Variants in TEX11 observed in about 807,000 individuals in gnomAD.
The protein encoded by TEX11 is testis-expressed protein 11.
Under a neutral mutation model 84.4 loss-of-function variants are expected in TEX11, and 7 were observed. The ratio of observed to expected loss-of-function variants is 0.08; its 90% CI spans 0.05 to 0.16. The LOEUF is 0.16. Among genes scored for constraint, TEX11 ranks in the 10% least tolerant of loss-of-function variants. The pLI is 1.00. For missense variants in TEX11, 551 were observed against 660.5 expected (o/e 0.83, Z 1.82); for synonymous variants, 264 against 222.8 (o/e 1.18, Z -1.64).
chrX:70,604,752 A>G (rs2089175920), intron 24 of TEX11, among the ~76,000 whole-genome samples: 1 of 111,341 alleles, frequency 9.0e-6, no homozygotes, highest in African/African-American at 3.3e-5. Context: ...TAAAAATCAT[A>G]CAAAAATGCT....
chrX:70,906,230 A>G (rs2091833541), intron 2 of TEX11, among the ~76,000 whole-genome samples: 1 of 103,029 alleles, frequency 9.7e-6, no homozygotes, highest in Non-Finnish European at 2.0e-5. Flanking sequence ...GAAAAATGGT[A>G]CATGTAATCT....
intron 29 of TEX11, 69 bp from the exon 30 acceptor site, chrX:70,529,256 C>G (rs763753838): frequency 1.1e-5 from 9 of 809,772 alleles, no homozygotes; most frequent in Non-Finnish European, 1.7e-5. Context: ...CCCAGACCCA[C>G]GGTGATGGCA....
chrX:70,663,222 C>T (rs2089946616), intron 16 of TEX11, among the ~76,000 whole-genome samples: 1 of 111,163 alleles, frequency 9.0e-6, no homozygotes, highest in Non-Finnish European at 1.9e-5. Flanking sequence ...TCCTCTATAA[C>T]ATTTATACCA....
chrX:70,591,192 T>C (rs944014815), intron 25 of TEX11, among the ~76,000 whole-genome samples: 4 of 112,068 alleles, frequency 3.6e-5, no homozygotes, highest in African/African-American at 9.7e-5. Flanking sequence ...TGTTAAACAA[T>C]AATAAAATAT....
chrX:70,567,063 T>C lies in TEX11; in HGVS notation c.2141-12263A>G, dbSNP rs2088495853. ...CTCTTTTTGGTTGGTAAGCTATTGA[T>C]TATTGCCACAATTTCAGAGCCTGTT... On this transcript the variant is annotated intron_variant, in intron 25 of 29. Coordinates refer to ENST00000374333, the MANE Select transcript of TEX11 (RefSeq NM_031276.3). 4.5e-5 allele frequency among the ~76,000 whole-genome samples: 5 copies of C among 111,455 alleles called. No individual in the cohort carries two copies. In the Admixed American group the frequency reaches 4.8e-4, roughly 11 times the overall value.
chrX:70,569,500 A>C lies in TEX11; in HGVS notation c.2141-14700T>G, dbSNP rs1279021675. Among the ~76,000 whole-genome samples, 3 of 110,961 alleles carry C rather than the reference A, an allele frequency of 2.7e-5. No homozygotes were observed. In the East Asian group the frequency reaches 8.5e-4, roughly 31 times the overall value. On this transcript the variant is annotated intron_variant, in intron 25 of 29. Coordinates refer to ENST00000374333, the MANE Select transcript of TEX11 (RefSeq NM_031276.3). ...AGACGCTCTGATTTTTAGAGTTTCC[A>C]GTTTTTCTGCTCTGTTTTTTCCCCA...
intron 9 of TEX11, among the ~76,000 whole-genome samples, chrX:70,784,240 G>A (rs779972786): frequency 4.5e-5 from 5 of 111,148 alleles, no homozygotes; most frequent in African/African-American, 1.6e-4. Context: ...CATGATTATC[G>A]CAATAGATGC....
chrX:70,570,311 C>A lies in TEX11; in HGVS notation c.2141-15511G>T, dbSNP rs752686633. Among the ~76,000 whole-genome samples, 10 of 112,161 alleles carry A rather than the reference C, an allele frequency of 8.9e-5. No individual in the cohort carries two copies. In the East Asian group the frequency reaches 2.5e-3, roughly 28 times the overall value. On this transcript the variant is annotated intron_variant, in intron 25 of 29. Transcript: ENST00000374333. ...CCGATTTTCCAGGTGCCGTCTGTCA[C>A]CCCTTTCTTTGACTAGGAAAGGGAA... is the stretch of plus-strand genomic sequence containing the variant.
intron 25 of TEX11, among the ~76,000 whole-genome samples, chrX:70,571,080 G>A (rs745542916): frequency 1.7e-4 from 19 of 111,371 alleles, no homozygotes; most frequent in Middle Eastern, 4.6e-3. Context: ...TTGTAGTGGC[G>A]TGATCTTGGC....
intron 15 of TEX11, among the ~76,000 whole-genome samples, chrX:70,677,810 CTTT>C (rs35653618): frequency 3.9e-4 from 25 of 63,579 alleles, no homozygotes; most frequent in African/African-American, 1.6e-3. Flanking sequence ...CTTTTCTTTC[CTTT>C]TTTTTTTTTT....
chrX:70,751,897 T>C (rs779462438), intron 9 of TEX11, among the ~76,000 whole-genome samples: 12 of 112,517 alleles, frequency 1.1e-4, no homozygotes, highest in Non-Finnish European at 1.9e-4. Flanking sequence ...TATGATTATA[T>C]ATGTCTTCTA....
Position 70,552,230 on chromosome X carries a change from A to C in TEX11, c.2416T>G (p.Leu806Val). ...ISQYSKCMHN[L>V]VNLSVPDGAS... ...CCATCTGGCACTGAGAGGTTAACCAAGTTGTGCATACATTTGCTGAAAATC... is the reference window on the plus strand; with the variant it reads ...CCATCTGGCACTGAGAGGTTAACCACGTTGTGCATACATTTGCTGAAAATC... The change falls in exon 28 of 30, where the codon TTG (leucine) becomes GTG (valine). Residue 806 changes from leucine to valine, a missense_variant. By Grantham distance (32) the Leu-to-Val change is conservative (BLOSUM62 1). Coordinates refer to ENST00000374333, the MANE Select transcript of TEX11 (RefSeq NM_031276.3). 2 of 1,208,741 alleles carry C rather than the reference A, an allele frequency of 1.7e-6. No homozygotes were observed. Among genetic ancestry groups the C allele is most frequent in the Non-Finnish European group, 2.2e-6 (2 of 894,545 alleles).
At chrX:70,595,673 A>G (rs2088996632) in intron 24 of TEX11, among the ~76,000 whole-genome samples, 1 of 111,829 alleles carries the variant, frequency 8.9e-6, no homozygotes, top group Admixed American at 9.6e-5. Context: ...ATGTTATATT[A>G]GAAAACATTC....
intron 17 of TEX11, among the ~76,000 whole-genome samples, chrX:70,640,655 T>C (rs2089643328): frequency 9.2e-6 from 1 of 108,485 alleles, no homozygotes; most frequent in Non-Finnish European, 1.9e-5. Context: ...CAGAATTTCA[T>C]ATCCAGCCAA....
At chrX:70,792,315 AATATATATATATATATATAT>A (rs1556087562) in intron 9 of TEX11, among the ~76,000 whole-genome samples, 2 of 14,912 alleles carry the variant, frequency 1.3e-4, no homozygotes, top group Non-Finnish European at 2.1e-4. Flanking sequence ...AAAAAAAAAA[AATATATATATATATATATAT>A]ATATATATAT....
At chrX:70,784,504 A>G (rs1279546790) in intron 9 of TEX11, among the ~76,000 whole-genome samples, 1 of 111,741 alleles carries the variant, frequency 8.9e-6, no homozygotes, top group East Asian at 2.8e-4. Context: ...AGAAAGAAAT[A>G]AAGGGTATTC....
At position 70,587,413 on chromosome X, in the gene TEX11, T is replaced by A. The variant is rs371168040; in HGVS notation, c.2140+4338A>T. Among the ~76,000 whole-genome samples the A allele has an allele frequency of 1.1e-4, 12 of 112,378 alleles. No individual in the cohort carries two copies. The East Asian group carries it at 2.9e-3, about 27-fold the overall frequency. On this transcript the variant is annotated intron_variant, in intron 25 of 29. Coordinates refer to ENST00000374333, the MANE Select transcript of TEX11 (RefSeq NM_031276.3). The stretch of plus-strand genomic sequence containing the variant: ...CTTGGAACTGTGACTTCTAGCCACA[T>A]CCTAGCCATGGCTAAAAGGGGCCAA...
chrX:70,890,479 G>T (rs976500031), intron 2 of TEX11, among the ~76,000 whole-genome samples: 5 of 112,133 alleles, frequency 4.5e-5, no homozygotes, highest in African/African-American at 1.3e-4. Context: ...ACGGTACCTG[G>T]AAAAACGGGA....
intron 11 of TEX11, among the ~76,000 whole-genome samples, chrX:70,728,031 T>A (rs2090613001): frequency 8.9e-6 from 1 of 112,935 alleles, no homozygotes; most frequent in South Asian, 3.6e-4. Flanking sequence ...TAAGTTCTTC[T>A]GTGATTCCTT....
Sources: allele counts gnomAD v4.1 joint callset (sites outside exome capture counted in the v4.1 genomes callset), GRCh38; gene constraint gnomAD v4.1.1; transcripts MANE v1.5; gene names NCBI Gene and HGNC (gene_info 2026-07-23, HGNC 2026-07-21).